DLG2: variants seen among roughly 807,000 people sequenced by gnomAD.
DLG2 encodes the protein disks large homolog 2.
Under a neutral mutation model 132.5 loss-of-function variants are expected in DLG2, and 45 were observed. That is an observed-to-expected ratio of 0.34 (90% confidence interval 0.27 to 0.44). DLG2 has a LOEUF of 0.44. Ranked by LOEUF, DLG2 falls within the 20% of genes least tolerant of loss-of-function variation. The pLI is 1.00. For missense variants in DLG2, 1,045 were observed against 1,196.9 expected (o/e 0.87, Z 1.87); for synonymous variants, 424 against 419.6 (o/e 1.01, Z -0.13).
chr11:83,678,975 C>T (rs565106572), intron 18 of DLG2, among the ~76,000 whole-genome samples: 3 of 152,054 alleles, frequency 2.0e-5, no homozygotes, highest in Non-Finnish European at 4.4e-5. Context: ...TCCCTAAACT[C>T]TGAGAGGGAT....
At chr11:84,618,569 GT>G (rs2099608557) in intron 6 of DLG2, among the ~76,000 whole-genome samples, 2 of 152,014 alleles carry the variant, frequency 1.3e-5, no homozygotes, top group African/African-American at 4.8e-5. Context: ...GTTCTTTCAG[GT>G]CTGAGATCAG....
chr11:85,161,130 G>C (rs777602242), intron 4 of DLG2, among the ~76,000 whole-genome samples: 1 of 152,334 alleles, frequency 6.6e-6, no homozygotes. Flanking sequence ...CAAAAACCGT[G>C]AAGATATTTG....
chr11:83,984,189 AGAT>A (rs766615648), intron 11 of DLG2, among the ~76,000 whole-genome samples: 1,865 of 117,618 alleles, frequency 0.016, 20 homozygotes, highest in Non-Finnish European at 0.025. Flanking sequence ...GTAGATAGAT[AGAT>A]GATAGATAGA....
chr11:85,164,409 C>A (rs923361064), intron 4 of DLG2, among the ~76,000 whole-genome samples: 2 of 152,088 alleles, frequency 1.3e-5, no homozygotes, highest in African/African-American at 4.8e-5. Context: ...CAGATGTTGT[C>A]CCATATATAC....
At chr11:83,582,622 T>A (rs948000873) in intron 19 of DLG2, among the ~76,000 whole-genome samples, 2 of 152,208 alleles carry the variant, frequency 1.3e-5, no homozygotes, top group Non-Finnish European at 2.9e-5. Flanking sequence ...AGCAATATTA[T>A]TAATGGATTG....
At chr11:84,450,064 A>G (rs1460004860) in intron 7 of DLG2, among the ~76,000 whole-genome samples, 4 of 151,910 alleles carry the variant, frequency 2.6e-5, no homozygotes, top group Non-Finnish European at 4.4e-5. Flanking sequence ...GAGTCAGATA[A>G]TATCAAATTC....
intron 5 of DLG2, among the ~76,000 whole-genome samples, chr11:85,147,868 G>A (rs2076966647): frequency 6.6e-6 from 1 of 152,046 alleles, no homozygotes; most frequent in East Asian, 1.9e-4. Flanking sequence ...AATCCCACAT[G>A]CATTAGCTAT....
At chr11:84,883,641 C>T (rs2087736730) in intron 6 of DLG2, among the ~76,000 whole-genome samples, 1 of 152,040 alleles carries the variant, frequency 6.6e-6, no homozygotes. Context: ...TCTAGCAGTT[C>T]AAATCCTTGG....
chr11:83,987,986 GT>G (rs555390863), intron 11 of DLG2, among the ~76,000 whole-genome samples: 2 of 151,936 alleles, frequency 1.3e-5, no homozygotes, highest in Non-Finnish European at 2.9e-5. Context: ...GGGGTTGTTT[GT>G]TTTTTTCTTG....
intron 7 of DLG2, among the ~76,000 whole-genome samples, chr11:84,286,876 T>C (rs2097915105): frequency 6.6e-6 from 1 of 152,080 alleles, no homozygotes. Flanking sequence ...CTTTCCCATC[T>C]CTCTGCAGAA....
chr11:85,199,148 A>G (rs1469633291), intron 4 of DLG2, among the ~76,000 whole-genome samples: 1 of 152,220 alleles, frequency 6.6e-6, no homozygotes, highest in Non-Finnish European at 1.5e-5. Flanking sequence ...AATAGCCAAA[A>G]TCAGTGAATA....
At chr11:84,321,731 T>C (rs950872784) in intron 7 of DLG2, among the ~76,000 whole-genome samples, 2 of 152,200 alleles carry the variant, frequency 1.3e-5, no homozygotes, top group Non-Finnish European at 2.9e-5. Flanking sequence ...GGGATTACTA[T>C]GCAACACAGC....
At chr11:85,274,173 C>T (rs1346066478) in intron 4 of DLG2, among the ~76,000 whole-genome samples, 1 of 152,116 alleles carries the variant, frequency 6.6e-6, no homozygotes, top group African/African-American at 2.4e-5. Flanking sequence ...TTAATGGGTG[C>T]AGCACACCAA....
chr11:85,560,050 C>T (rs2077152105), intron 3 of DLG2, among the ~76,000 whole-genome samples: 1 of 151,720 alleles, frequency 6.6e-6, no homozygotes, highest in African/African-American at 2.4e-5. Flanking sequence ...ACCACTAATT[C>T]CCTAGAATAG....
rs898157403 is a variant in DLG2, at chr11:85,537,976, C to T, written c.40+60681G>A. 2.0e-5 allele frequency among the ~76,000 whole-genome samples: 3 copies of T among 151,684 alleles called. 1 individual carries two copies. The highest frequency in any genetic ancestry group is 4.9e-5 in the African/African-American group (2 of 41,084). ...CTAAAAATACAAAATATTAGCAGGG[C>T]GTGGTGGCAGGCACCTGTAATCCCA... is the stretch of plus-strand genomic sequence containing the variant. On this transcript the variant is annotated intron_variant, in intron 3 of 27. Transcript: ENST00000376104.
chr11:85,032,001 T>G (rs1430781075), intron 6 of DLG2, among the ~76,000 whole-genome samples: 1 of 135,210 alleles, frequency 7.4e-6, no homozygotes, highest in African/African-American at 2.8e-5. Context: ...GGTGTTTCAC[T>G]ATGTTGGCCA....
chr11:83,849,280 A>G (rs2059217551), intron 16 of DLG2, among the ~76,000 whole-genome samples: 2 of 149,688 alleles, frequency 1.3e-5, no homozygotes, highest in Non-Finnish European at 3.0e-5. Flanking sequence ...GACCATATTA[A>G]TAAATAAGGG....
chr11:85,191,156 ACG>A (rs139579513), intron 4 of DLG2, among the ~76,000 whole-genome samples: 1,546 of 119,028 alleles, frequency 0.013, 12 homozygotes, highest in South Asian at 0.055. Flanking sequence ...GCGCGCGCGC[ACG>A]CGCGCACACA....
chr11:84,960,147 T>A (rs1265944886), intron 6 of DLG2, among the ~76,000 whole-genome samples: 1 of 152,190 alleles, frequency 6.6e-6, no homozygotes, highest in Non-Finnish European at 1.5e-5. Flanking sequence ...GGTGAGTGAG[T>A]GGCAAAGTGG....
Sources: allele counts gnomAD v4.1 joint callset (sites outside exome capture counted in the v4.1 genomes callset), GRCh38; gene constraint gnomAD v4.1.1; transcripts MANE v1.5; gene names NCBI Gene and HGNC (gene_info 2026-07-23, HGNC 2026-07-21).